The following ABHD18 variants were observed in gnomAD, a reference collection of about 807,000 sequenced individuals.
ABHD18 encodes the protein abhydrolase domain containing 18.
ABHD18 carries 55 observed loss-of-function variants against 65.9 expected under a neutral mutation model. The observed-to-expected ratio is 0.84, with a 90% CI of 0.67 to 1.05. ABHD18 has a LOEUF of 1.05. Among genes scored for constraint, ABHD18 ranks in the 50% least tolerant of loss-of-function variants. The pLI, the probability that ABHD18 is intolerant of heterozygous loss-of-function variation, is 0.00. For synonymous variants in ABHD18, 181 were observed against 180.2 expected (o/e 1.00, Z -0.04); for missense variants, 533 against 558.5 (o/e 0.95, Z 0.46).
At chr4:128,004,956 C>G (rs1753352502) in intron 4 of ABHD18, among the ~76,000 whole-genome samples, 1 of 151,626 alleles carries the variant, frequency 6.6e-6, no homozygotes, top group Admixed American at 6.6e-5. Context: ...AGGCCAGGCG[C>G]AGTGGCTCAC....
intron 12 of ABHD18, among the ~76,000 whole-genome samples, chr4:128,034,841 G>A (rs1016975428): frequency 2.0e-5 from 3 of 151,912 alleles, no homozygotes; most frequent in Admixed American, 1.3e-4. Context: ...TAGTAGAGAC[G>A]GGGTTTCTCC....
At chr4:128,026,611 C>G (rs1406452674) in intron 10 of ABHD18, among the ~76,000 whole-genome samples, 1 of 152,032 alleles carries the variant, frequency 6.6e-6, no homozygotes, top group African/African-American at 2.4e-5. Flanking sequence ...ATATGAGTTG[C>G]AAATATATTT....
chr4:128,016,016 A>C (rs1414153511), intron 7 of ABHD18, among the ~76,000 whole-genome samples: 2 of 146,278 alleles, frequency 1.4e-5, no homozygotes, highest in East Asian at 4.0e-4. Flanking sequence ...GCAGTGGCGC[A>C]ATCTCTGGCT....
At chr4:127,967,291 G>A (rs545498841) in intron 1 of ABHD18, among the ~76,000 whole-genome samples, 1 of 152,040 alleles carries the variant, frequency 6.6e-6, no homozygotes, top group African/African-American at 2.4e-5. Flanking sequence ...ATGGAAGGCA[G>A]GGAGATTAAG....
chr4:128,002,130 C>T (rs923312183), intron 4 of ABHD18, among the ~76,000 whole-genome samples: 5 of 152,052 alleles, frequency 3.3e-5, no homozygotes, highest in Admixed American at 3.3e-4. Context: ...CAAAAATTAG[C>T]TGGGCGTGGT....
chr4:128,021,608 T>G (rs561967170), intron 10 of ABHD18, among the ~76,000 whole-genome samples: 64 of 152,062 alleles, frequency 4.2e-4, no homozygotes, highest in South Asian at 1.9e-3. Flanking sequence ...GAACCAAGAT[T>G]GTGCCACTGC....
intron 12 of ABHD18, among the ~76,000 whole-genome samples, chr4:128,033,398 T>A (rs933492538): frequency 6.6e-6 from 1 of 152,154 alleles, no homozygotes; most frequent in Non-Finnish European, 1.5e-5. Context: ...TCCCTTCTTA[T>A]GGTTCATTAT....
intron 1 of ABHD18, among the ~76,000 whole-genome samples, chr4:127,977,581 C>T (rs1378766738): frequency 5.0e-4 from 76 of 152,134 alleles, no homozygotes; most frequent in Non-Finnish European, 1.5e-4. Flanking sequence ...TAGTAACATG[C>T]ATAGAACTTT....
rs755703128 is a variant in ABHD18, at chr4:128,037,118, CAAAAAAAAAAAAAA to C, written c.*1319_*1332del. 4 of 24,844 alleles carry C rather than the reference CAAAAAAAAAAAAAA, an allele frequency of 1.6e-4. No homozygotes were observed. The highest frequency in any genetic ancestry group is 9.5e-4 in the East Asian group (1 of 1,056). 1.5% of individuals were successfully genotyped at this position (24,844 alleles called of 1,614,324 possible). A position where few individuals can be genotyped will look rare whatever the true frequency, so the allele number is the denominator to read the frequency against. ...TGGGCAACAGAGCAAAACTCCATCT[CAAAAAAAAAAAAAA>C]AAAAAAAAAAAAATTAAGCCGGGCA... On this transcript the variant is annotated 3_prime_UTR_variant, in exon 13 of 13. Transcript: ENST00000645843.
At chr4:127,968,585 A>G (rs1579089427) in intron 1 of ABHD18, among the ~76,000 whole-genome samples, 2 of 152,236 alleles carry the variant, frequency 1.3e-5, no homozygotes, top group African/African-American at 2.4e-5. Context: ...AGATAGCATA[A>G]TAAATGATGA....
chr4:127,998,520 TG>T (rs1329253893), intron 4 of ABHD18, among the ~76,000 whole-genome samples: 3 of 151,220 alleles, frequency 2.0e-5, no homozygotes. Flanking sequence ...ATTACGGGCG[TG>T]AGCCACTGCT....
chr4:128,028,778 AAC>A lies in ABHD18; in HGVS notation c.1107_1108del (p.Asn369LysfsTer16), dbSNP rs1251180360. 4 of 1,611,798 alleles carry A rather than the reference AAC, an allele frequency of 2.5e-6. No individual in the cohort carries two copies. In the African/African-American group the frequency reaches 5.3e-5, roughly 22 times the overall value. ...CCTACTTAGTAAAGAACAAAGCAGA[AAC>A]AGTCTTCGGAAAGAGTCTTTAATAT... ...YHLLSKEQSR[N>X]SLRKESLIFM... On this transcript the variant is annotated frameshift_variant, in exon 11 of 13. Coordinates refer to ENST00000645843, the MANE Select transcript of ABHD18 (RefSeq NM_001358451.3). LOFTEE classifies it high-confidence loss of function.
In ABHD18 at chr4:128,028,563, C is replaced by CT. The variant is rs747240871; in HGVS notation, c.893dup (p.Leu298PhefsTer16). 9.3e-6 allele frequency: 15 copies of CT among 1,612,956 alleles called. No individual in the cohort carries two copies. Among genetic ancestry groups the CT allele is most frequent in the Non-Finnish European group, 1.7e-6 (2 of 1,179,438 alleles). On this transcript the variant is annotated frameshift_variant, in exon 11 of 13. Transcript: ENST00000645843. LOFTEE classifies it high-confidence loss of function. ...ACTAACCTTAATCTGGTTTCCAGAA[C>CT]TTTAAATTTAGATATATCAAACCAA...
intron 4 of ABHD18, among the ~76,000 whole-genome samples, chr4:128,006,312 T>C (rs185318481): frequency 6.6e-6 from 1 of 152,298 alleles, no homozygotes; most frequent in East Asian, 1.9e-4. Context: ...GAAAAAATTC[T>C]TAAGTGTTTT....
chr4:127,970,427 T>C (rs1465768063), intron 1 of ABHD18, among the ~76,000 whole-genome samples: 2 of 150,980 alleles, frequency 1.3e-5, no homozygotes. Context: ...ACCCCGTCTC[T>C]ACTAAAAATA....
rs1758837183 is a variant in ABHD18, at chr4:128,035,828, G to A, written c.*15G>A. The A allele has an allele frequency of 6.6e-7, 1 of 1,505,194 alleles. No homozygotes were observed. The highest frequency in any genetic ancestry group is 9.0e-7 in the Non-Finnish European group (1 of 1,111,862). 93.2% of individuals were successfully genotyped at this position (1,505,194 alleles called of 1,614,324 possible). On this transcript the variant is annotated 3_prime_UTR_variant, in exon 13 of 13. Transcript: ENST00000645843. ...ACGCTAACTAGTTGGATTATTATAT[G>A]TAACCAGTGTGGCCATGATGTTTCT...
chr4:128,002,179 G>A (rs1752761019), intron 4 of ABHD18, among the ~76,000 whole-genome samples: 1 of 152,144 alleles, frequency 6.6e-6, no homozygotes, highest in Non-Finnish European at 1.5e-5. Context: ...GCAGGCTGAG[G>A]CAGGAGAATC....
At chr4:127,993,497 A>G (rs1016995212) in intron 4 of ABHD18, among the ~76,000 whole-genome samples, 17 of 150,654 alleles carry the variant, frequency 1.1e-4, no homozygotes, top group Middle Eastern at 3.4e-3. Flanking sequence ...ATGCACATTG[A>G]CATCTATTTT....
In ABHD18 at chr4:128,021,167, G is replaced by T; in HGVS notation, c.730G>T (p.Glu244Ter). 6.5e-7 allele frequency: 1 copy of T among 1,548,322 alleles called. No homozygotes were observed. Among genetic ancestry groups the T allele is most frequent in the Non-Finnish European group, 8.7e-7 (1 of 1,145,124 alleles). ...GVLSKSINWR[E>*]LEKQYYTQTV... ...GTTGAGTAAATCAATTAATTGGAGGGAGCTGGAAAAGCAATATTATACCCA... is the reference window on the plus strand; with the variant it reads ...GTTGAGTAAATCAATTAATTGGAGGTAGCTGGAAAAGCAATATTATACCCA... The change falls in exon 10 of 13, where the codon GAG (glutamate) becomes TAG (stop). Residue 244 changes from glutamate to a stop codon, truncating the protein, a stop_gained. Transcript: ENST00000645843. LOFTEE classifies it high-confidence loss of function.
Sources: allele counts gnomAD v4.1 joint callset (sites outside exome capture counted in the v4.1 genomes callset), GRCh38; gene constraint gnomAD v4.1.1; transcripts MANE v1.5; gene names NCBI Gene and HGNC (gene_info 2026-07-23, HGNC 2026-07-21).